The following GALNT2 variants were observed in gnomAD, a reference collection of about 807,000 sequenced individuals.
The protein encoded by GALNT2 is UDP-GalNAc:polypeptide N-acetylgalactosaminyltransferase 2.
In GALNT2, 31 loss-of-function variants were observed where a neutral mutation model predicts 81.4. That is an observed-to-expected ratio of 0.38 (90% CI 0.29 to 0.51). The LOEUF is 0.51. GALNT2 is among the 20% of genes least tolerant of loss of function. The pLI, the probability that GALNT2 is intolerant of heterozygous loss-of-function variation, is 0.87. For synonymous variants in GALNT2, 303 were observed against 287.4 expected (o/e 1.05, Z -0.55); for missense variants, 629 against 765.7 (o/e 0.82, Z 2.11).
chr1:230,120,552 A>G (rs1660985196), intron 1 of GALNT2, among the ~76,000 whole-genome samples: 1 of 152,032 alleles, frequency 6.6e-6, no homozygotes. Context: ...TCTCCCCTCC[A>G]GTGTCGCCTG....
chr1:230,125,676 C>T (rs1221922537), intron 1 of GALNT2, among the ~76,000 whole-genome samples: 1 of 140,348 alleles, frequency 7.1e-6, no homozygotes. Context: ...TTGGCAGCTG[C>T]CTTCAGGCAG....
chr1:230,154,191 G>C (rs1359074038), intron 1 of GALNT2, among the ~76,000 whole-genome samples: 2 of 152,192 alleles, frequency 1.3e-5, no homozygotes, highest in Admixed American at 1.3e-4. Flanking sequence ...ATTCAGTCTT[G>C]TCAGAAGTCA....
chr1:230,118,968 C>G lies in GALNT2; in HGVS notation c.126+51562C>G, dbSNP rs116694997. ...CACCCTGGAAATGGGCCCCAGAAAT[C>G]ATCTTATTTTACCTATAAATATTTT... On this transcript the variant is annotated intron_variant, in intron 1 of 15. Coordinates refer to ENST00000366672, the MANE Select transcript of GALNT2 (RefSeq NM_004481.5). Among the ~76,000 whole-genome samples, 1,068 of 152,266 alleles carry G rather than the reference C, an allele frequency of 7.0e-3. 17 individuals carry two copies. Among genetic ancestry groups the G allele is most frequent in the African/African-American group, 0.024 (1,001 of 41,526 alleles).
Position 230,236,099 on chromosome 1 carries a change from A to G in GALNT2, c.460A>G (p.Arg154Gly). 6.2e-7 allele frequency: 1 copy of G among 1,613,998 alleles called. No homozygotes were observed. Among genetic ancestry groups the G allele is most frequent in the Non-Finnish European group, 8.5e-7 (1 of 1,179,990 alleles). The change falls in exon 4 of 16, where the codon AGG becomes GGG. Residue 154 changes from arginine (R) to glycine (G), a missense_variant. Coordinates refer to ENST00000366672, the MANE Select transcript of GALNT2 (RefSeq NM_004481.5). ...FHNEARSALL[R>G]TVVSVLKKSP... ...CAATGAAGCCAGGTCGGCCCTACTC[A>G]GGACCGTGGTCAGGTGAGGCCAGGA...
chr1:230,278,024 C>CAA (rs10643890), intron 15 of GALNT2, among the ~76,000 whole-genome samples: 89,734 of 150,548 alleles, frequency 0.6, 29,121 homozygotes, highest in East Asian at 0.95. Flanking sequence ...TTATTTGAAA[C>CAA]GAGCTTTGGG....
At chr1:230,270,332 C>A (rs577471807) in intron 14 of GALNT2, among the ~76,000 whole-genome samples, 1 of 152,204 alleles carries the variant, frequency 6.6e-6, no homozygotes, top group African/African-American at 2.4e-5. Context: ...ACACCCTCAG[C>A]TTGGGAGCAC....
At chr1:230,155,002 C>G (rs1662202920) in intron 1 of GALNT2, among the ~76,000 whole-genome samples, 1 of 152,224 alleles carries the variant, frequency 6.6e-6, no homozygotes, top group African/African-American at 2.4e-5. Context: ...AAGACTTTCT[C>G]TGACCACAGG....
intron 1 of GALNT2, among the ~76,000 whole-genome samples, chr1:230,130,015 T>A (rs914214151): frequency 1.3e-5 from 2 of 152,246 alleles, no homozygotes; most frequent in Non-Finnish European, 2.9e-5. Context: ...GAGATCTGCA[T>A]GACCTCCATG....
chr1:230,129,057 G>C (rs1441466058), intron 1 of GALNT2, among the ~76,000 whole-genome samples: 1 of 152,252 alleles, frequency 6.6e-6, no homozygotes, highest in Admixed American at 6.5e-5. Flanking sequence ...GCCGCCGCTA[G>C]CGACGCATCA....
intron 14 of GALNT2, among the ~76,000 whole-genome samples, chr1:230,266,278 G>A (rs1666035397): frequency 6.6e-6 from 1 of 152,200 alleles, no homozygotes; most frequent in South Asian, 2.1e-4. Context: ...ATGAAGGCTT[G>A]ATGGGCCCAG....
At chr1:230,082,798 A>T (rs1659776475) in intron 1 of GALNT2, among the ~76,000 whole-genome samples, 1 of 152,080 alleles carries the variant, frequency 6.6e-6, no homozygotes, top group South Asian at 2.1e-4. Flanking sequence ...TTGCAGAGAG[A>T]ATAGGGGATC....
intron 3 of GALNT2, among the ~76,000 whole-genome samples, chr1:230,223,729 C>T (rs1664623482): frequency 6.6e-6 from 1 of 152,202 alleles, no homozygotes; most frequent in Non-Finnish European, 1.5e-5. Flanking sequence ...CCTCGGCCTC[C>T]CAAAGTGCTG....
chr1:230,205,764 C>G (rs1664040837), intron 3 of GALNT2, among the ~76,000 whole-genome samples: 1 of 152,130 alleles, frequency 6.6e-6, no homozygotes, highest in Admixed American at 6.5e-5. Flanking sequence ...TGTGTACTTC[C>G]CCACCACCAG....
intron 3 of GALNT2, among the ~76,000 whole-genome samples, chr1:230,215,536 G>A (rs1291565577): frequency 6.6e-6 from 1 of 152,240 alleles, no homozygotes; most frequent in Non-Finnish European, 1.5e-5. Context: ...CTGGAAGCAG[G>A]AAAAACACCT....
intron 1 of GALNT2, among the ~76,000 whole-genome samples, chr1:230,099,261 A>G (rs1660334513): frequency 6.6e-6 from 1 of 151,956 alleles, no homozygotes; most frequent in Non-Finnish European, 1.5e-5. Context: ...CTTTTGTCAA[A>G]CCCATTTGCT....
intron 1 of GALNT2, among the ~76,000 whole-genome samples, chr1:230,112,800 T>TGGGGGGGGGGGGG (rs200649766): frequency 2.7e-4 from 20 of 75,048 alleles, no homozygotes; most frequent in African/African-American, 4.3e-4. Flanking sequence ...GGCAGGGGGG[T>TGGGGGGGGGGGGG]GGGGGGGACC....
chr1:230,240,496 G>T (rs1665168423), intron 6 of GALNT2, among the ~76,000 whole-genome samples: 1 of 152,208 alleles, frequency 6.6e-6, no homozygotes, highest in African/African-American at 2.4e-5. Context: ...GGAGACTGAG[G>T]CAGAAGACTC....
intron 1 of GALNT2, among the ~76,000 whole-genome samples, chr1:230,089,353 G>A (rs528542691): frequency 1.3e-4 from 20 of 151,906 alleles, no homozygotes; most frequent in Admixed American, 9.8e-4. Flanking sequence ...TGGAGATGGG[G>A]TTTCGCCATG....
chr1:230,170,270 C>T (rs958807449), intron 1 of GALNT2, among the ~76,000 whole-genome samples: 1 of 152,194 alleles, frequency 6.6e-6, no homozygotes, highest in African/African-American at 2.4e-5. Flanking sequence ...CCCATGGCTA[C>T]TTCTGCTACA....
Sources: gnomAD v4.1 joint callset for allele counts (sites outside exome capture counted in the v4.1 genomes callset) on GRCh38, gnomAD v4.1.1 for gene constraint, MANE v1.5 for transcripts, NCBI Gene and HGNC (gene_info 2026-07-23, HGNC 2026-07-21) for gene names.